The following WWOX variants were observed in gnomAD, a reference collection of about 807,000 sequenced individuals.
WWOX encodes WW domain containing oxidoreductase.
Under a neutral mutation model 46.2 loss-of-function variants are expected in WWOX, and 69 were observed. The ratio of observed to expected loss-of-function variants is 1.49; its 90% CI spans 1.23 to 1.82. WWOX has a LOEUF of 1.82. Among genes scored for constraint, WWOX ranks in the 40% most tolerant of loss-of-function variants. The probability of loss-of-function intolerance (pLI) is 0.00; values close to 1 mark genes in which losing one functional copy is unlikely to be tolerated. For missense variants in WWOX, 919 were observed against 542.6 expected, an observed-to-expected ratio of 1.69 and a Z score of -6.89; for synonymous variants, 359 against 202.6, an observed-to-expected ratio of 1.77 and a Z score of -6.56.
At chr16:79,188,041 C>A (rs2051054858) in intron 8 of WWOX, among the ~76,000 whole-genome samples, 1 of 152,202 alleles carries the variant, frequency 6.6e-6, no homozygotes, top group African/African-American at 2.4e-5. Context: ...TCTCCCACTT[C>A]CTGGGTAGTT....
At chr16:79,132,860 C>T (rs1404140726) in intron 8 of WWOX, among the ~76,000 whole-genome samples, 1 of 152,174 alleles carries the variant, frequency 6.6e-6, no homozygotes, top group Non-Finnish European at 1.5e-5. Flanking sequence ...AATTCTTTAT[C>T]ACATAAATAT....
chr16:78,894,323 G>C (rs1439424914), intron 8 of WWOX, among the ~76,000 whole-genome samples: 1 of 148,580 alleles, frequency 6.7e-6, no homozygotes. Flanking sequence ...TTAGACTCAA[G>C]CCTGGTTCTT....
At chr16:79,083,043 C>G (rs937967603) in intron 8 of WWOX, among the ~76,000 whole-genome samples, 11 of 152,134 alleles carry the variant, frequency 7.2e-5, no homozygotes, top group Non-Finnish European at 1.5e-4. Context: ...CTTGGGGCCT[C>G]TTGTTTCAGC....
chr16:78,283,467 C>T (rs939647341), intron 5 of WWOX, among the ~76,000 whole-genome samples: 1 of 152,142 alleles, frequency 6.6e-6, no homozygotes, highest in African/African-American at 2.4e-5. Context: ...CAAGGCTTTT[C>T]AGGATGCTGT....
chr16:78,667,811 A>G (rs1323439748), intron 8 of WWOX, among the ~76,000 whole-genome samples: 2 of 152,102 alleles, frequency 1.3e-5, no homozygotes, highest in South Asian at 2.1e-4. Context: ...ATCAGCTTGC[A>G]TCTGTTTGCC....
chr16:78,504,261 G>C (rs2085138944), intron 8 of WWOX, among the ~76,000 whole-genome samples: 1 of 152,216 alleles, frequency 6.6e-6, no homozygotes, highest in Non-Finnish European at 1.5e-5. Flanking sequence ...GGCAAGTCTA[G>C]AGGGTAAAGT....
chr16:78,408,009 G>A (rs900809748), intron 6 of WWOX, among the ~76,000 whole-genome samples: 1 of 152,174 alleles, frequency 6.6e-6, no homozygotes, highest in Non-Finnish European at 1.5e-5. Flanking sequence ...TGGTATGACT[G>A]GTGTATGGTG....
In WWOX at chr16:78,212,907, A is replaced by G. The variant is rs148191688; in HGVS notation, c.516+48618A>G. Among the ~76,000 whole-genome samples, 580 of 152,226 alleles carry G rather than the reference A, an allele frequency of 3.8e-3. 5 individuals carry two copies. The highest frequency in any genetic ancestry group is 0.013 in the African/African-American group (544 of 41,552). On this transcript the variant is annotated intron_variant, in intron 5 of 8. Transcript: ENST00000566780. ...CTCAGTGGCTTAGCATGGTGAATTCATTTCCCATTCGTGATATCTGACCAC... is the reference window on the plus strand; with the variant it reads ...CTCAGTGGCTTAGCATGGTGAATTCGTTTCCCATTCGTGATATCTGACCAC...
At chr16:78,761,118 C>G (rs1218235346) in intron 8 of WWOX, among the ~76,000 whole-genome samples, 1 of 152,280 alleles carries the variant, frequency 6.6e-6, no homozygotes, top group Non-Finnish European at 1.5e-5. Flanking sequence ...CAGAGCCAAA[C>G]CATATTACAG....
At chr16:78,911,186 A>G (rs2045101998) in intron 8 of WWOX, among the ~76,000 whole-genome samples, 1 of 151,756 alleles carries the variant, frequency 6.6e-6, no homozygotes, top group African/African-American at 2.4e-5. Flanking sequence ...ACACCAGCCC[A>G]CTTTCCAGTT....
At chr16:79,178,477 G>A (rs4888936) in intron 8 of WWOX, among the ~76,000 whole-genome samples, 76,651 of 151,510 alleles carry the variant, frequency 0.51, 20,055 homozygotes, top group East Asian at 0.88. Context: ...CACCATGCCT[G>A]GCTAATTTTC....
intron 8 of WWOX, among the ~76,000 whole-genome samples, chr16:78,600,450 C>T (rs1009250651): frequency 1.3e-5 from 2 of 152,148 alleles, no homozygotes; most frequent in Admixed American, 6.5e-5. Context: ...TATGTGAAGT[C>T]ATCTCCATTT....
At chr16:78,627,477 G>T (rs2738577) in intron 8 of WWOX, among the ~76,000 whole-genome samples, 2 of 152,000 alleles carry the variant, frequency 1.3e-5, no homozygotes, top group African/African-American at 2.4e-5. Context: ...TTGACATTCT[G>T]TGATCCTGTA....
chr16:78,615,898 C>A (rs933691895), intron 8 of WWOX, among the ~76,000 whole-genome samples: 11 of 151,868 alleles, frequency 7.2e-5, no homozygotes, highest in African/African-American at 2.4e-4. Context: ...CTACAGGCGC[C>A]CGCCACCACA....
At chr16:78,817,502 T>G (rs141348886) in intron 8 of WWOX, among the ~76,000 whole-genome samples, 324 of 152,242 alleles carry the variant, frequency 2.1e-3, no homozygotes, top group Non-Finnish European at 3.4e-3. Context: ...CACTGCAAAA[T>G]AGATGTACAG....
chr16:78,946,936 G>C (rs956341779), intron 8 of WWOX, among the ~76,000 whole-genome samples: 9 of 152,152 alleles, frequency 5.9e-5, no homozygotes, highest in African/African-American at 2.2e-4. Context: ...GGAAGATTGA[G>C]ATGAAATAAA....
At chr16:78,975,058 G>T (rs972729167) in intron 8 of WWOX, among the ~76,000 whole-genome samples, 1 of 152,196 alleles carries the variant, frequency 6.6e-6, no homozygotes, top group African/African-American at 2.4e-5. Flanking sequence ...TATTGTCAAG[G>T]CTGGGCCCCT....
At chr16:78,472,766 G>C (rs2084254828) in intron 8 of WWOX, among the ~76,000 whole-genome samples, 1 of 132,334 alleles carries the variant, frequency 7.6e-6, no homozygotes, top group Admixed American at 9.3e-5. Flanking sequence ...CCGAGATCTT[G>C]CCATTGTTCT....
At chr16:78,642,623 G>A (rs1021731302) in intron 8 of WWOX, among the ~76,000 whole-genome samples, 12 of 152,170 alleles carry the variant, frequency 7.9e-5, no homozygotes, top group Admixed American at 7.2e-4. Context: ...GTGGGCTACT[G>A]CCAGCTGAGA....
Sources: gnomAD v4.1 joint callset for allele counts (sites outside exome capture counted in the v4.1 genomes callset) on GRCh38, gnomAD v4.1.1 for gene constraint, MANE v1.5 for transcripts, NCBI Gene and HGNC (gene_info 2026-07-23, HGNC 2026-07-21) for gene names.